Variants in MARCHF1 observed in about 807,000 individuals in gnomAD.
MARCHF1 encodes the protein membrane associated ring-CH-type finger 1, also known as E3 ubiquitin-protein ligase MARCHF1.
MARCHF1 carries 40 observed loss-of-function variants against 54.2 expected under a neutral mutation model. That is an observed-to-expected ratio of 0.74 (90% CI 0.57 to 0.96). MARCHF1 has a LOEUF of 0.96. Ranked by LOEUF, MARCHF1 falls within the 40% of genes least tolerant of loss-of-function variation. The pLI, the probability that MARCHF1 is intolerant of heterozygous loss-of-function variation, is 0.00. For missense variants in MARCHF1, 586 were observed against 656.5 expected (o/e 0.89, Z 1.17); for synonymous variants, 236 against 236.3 (o/e 1.00, Z 0.01).
intron 3 of MARCHF1, among the ~76,000 whole-genome samples, chr4:163,907,749 C>G (rs1021037772): frequency 2.0e-5 from 3 of 152,072 alleles, no homozygotes; most frequent in Non-Finnish European, 2.9e-5. Context: ...CCTATCTAGA[C>G]ACTAAATCAA....
At chr4:164,363,426 T>C (rs774486820) in intron 1 of MARCHF1, among the ~76,000 whole-genome samples, 1 of 152,146 alleles carries the variant, frequency 6.6e-6, no homozygotes, top group African/African-American at 2.4e-5. Flanking sequence ...CTTCTTATCT[T>C]TGTGAGAGAA....
chr4:163,558,075 T>C (rs1322896771), intron 8 of MARCHF1, among the ~76,000 whole-genome samples: 2 of 152,056 alleles, frequency 1.3e-5, no homozygotes, highest in African/African-American at 4.8e-5. Flanking sequence ...TGGAGTTGCA[T>C]GGAATAGAGA....
chr4:163,732,903 G>A (rs1006505912), intron 4 of MARCHF1, among the ~76,000 whole-genome samples: 1 of 151,878 alleles, frequency 6.6e-6, no homozygotes, highest in African/African-American at 2.4e-5. Context: ...TGTAATCCCA[G>A]CAATTTGGGA....
At position 163,664,314 on chromosome 4, in the gene MARCHF1, A is replaced by ATCTTTTCAT. The variant is rs545985361; in HGVS notation, c.162+36498_162+36499insATGAAAAGA. 2.0e-4 allele frequency among the ~76,000 whole-genome samples: 31 copies of ATCTTTTCAT among 152,256 alleles called. 2 individuals carry two copies. The South Asian group carries it at 6.2e-3, about 31-fold the overall frequency. On this transcript the variant is annotated intron_variant, in intron 5 of 9. Transcript: ENST00000514618. ...TACAGAAGATCAAGTTAATGAAAAG[A>ATCTTTTCAT]TACTTTGAAATACAGTAACTGGATA...
chr4:164,106,892 T>G (rs1755716975), intron 2 of MARCHF1, among the ~76,000 whole-genome samples: 1 of 152,054 alleles, frequency 6.6e-6, no homozygotes, highest in Non-Finnish European at 1.5e-5. Flanking sequence ...GTTCCTGGAG[T>G]AATTGCATTT....
At chr4:163,695,873 C>T (rs550005764) in intron 5 of MARCHF1, among the ~76,000 whole-genome samples, 30 of 152,164 alleles carry the variant, frequency 2.0e-4, no homozygotes, top group African/African-American at 6.7e-4. Flanking sequence ...CTTGAGGAAC[C>T]TATTTGTGAG....
intron 4 of MARCHF1, among the ~76,000 whole-genome samples, chr4:163,767,758 A>C (rs1398377718): frequency 6.6e-6 from 1 of 152,176 alleles, no homozygotes; most frequent in East Asian, 1.9e-4. Flanking sequence ...TAACTTTATA[A>C]AATTTGCTTT....
chr4:164,091,410 T>TTTATA (rs145149996), intron 2 of MARCHF1, among the ~76,000 whole-genome samples: 33 of 136,926 alleles, frequency 2.4e-4, no homozygotes, highest in African/African-American at 8.4e-4. Flanking sequence ...TCACCAAGTT[T>TTTATA]TATATATATA....
chr4:163,873,173 T>C (rs553279065), intron 3 of MARCHF1, among the ~76,000 whole-genome samples: 16 of 152,322 alleles, frequency 1.1e-4, no homozygotes, highest in African/African-American at 3.8e-4. Flanking sequence ...ATGAACAATC[T>C]CTCTCTTTCC....
intron 9 of MARCHF1, among the ~76,000 whole-genome samples, chr4:163,533,680 A>AATATATATATATAT (rs35349951): frequency 6.7e-4 from 96 of 144,128 alleles, no homozygotes; most frequent in African/African-American, 2.3e-3. Context: ...TTTTATATAT[A>AATATATATATATAT]ATATATATAT....
intron 3 of MARCHF1, among the ~76,000 whole-genome samples, chr4:163,937,957 C>T (rs1751836291): frequency 6.6e-6 from 1 of 152,110 alleles, no homozygotes; most frequent in Admixed American, 6.6e-5. Context: ...GGCTCTAGGG[C>T]ACATAACAGA....
At chr4:164,373,753 G>C (rs528649710) in intron 1 of MARCHF1, among the ~76,000 whole-genome samples, 4 of 151,998 alleles carry the variant, frequency 2.6e-5, no homozygotes, top group Non-Finnish European at 5.9e-5. Flanking sequence ...GCCTCTAAAG[G>C]CATACATCTC....
At chr4:163,849,599 A>T (rs2111158498) in intron 4 of MARCHF1, among the ~76,000 whole-genome samples, 1 of 152,304 alleles carries the variant, frequency 6.6e-6, no homozygotes, top group South Asian at 2.1e-4. Context: ...CAGATCCATT[A>T]GTCTATGTCA....
At chr4:163,863,477 G>C (rs1249575101) in intron 3 of MARCHF1, among the ~76,000 whole-genome samples, 1 of 152,048 alleles carries the variant, frequency 6.6e-6, no homozygotes, top group Non-Finnish European at 1.5e-5. Context: ...TTAATTGTTG[G>C]AGTGCGAGGT....
At chr4:164,259,565 A>AAG (rs1733401293) in intron 1 of MARCHF1, among the ~76,000 whole-genome samples, 1 of 118,792 alleles carries the variant, frequency 8.4e-6, no homozygotes, top group Non-Finnish European at 1.7e-5. Context: ...AAAAAAAAAA[A>AAG]GAAAAAAGAA....
intron 1 of MARCHF1, among the ~76,000 whole-genome samples, chr4:164,192,165 T>C (rs1731141124): frequency 6.6e-6 from 1 of 152,196 alleles, no homozygotes; most frequent in South Asian, 2.1e-4. Context: ...ATAAAGATTA[T>C]CTTAATTTGT....
chr4:164,006,667 A>G (rs1332282591), intron 2 of MARCHF1, among the ~76,000 whole-genome samples: 2 of 152,096 alleles, frequency 1.3e-5, no homozygotes, highest in African/African-American at 4.8e-5. Context: ...AGACTACCCC[A>G]AGGTATATAA....
intron 4 of MARCHF1, among the ~76,000 whole-genome samples, chr4:163,833,714 T>A (rs1749097652): frequency 6.6e-6 from 1 of 152,126 alleles, no homozygotes; most frequent in Non-Finnish European, 1.5e-5. Flanking sequence ...TGCTTTTGTG[T>A]GAAAAAATGA....
At chr4:164,100,781 G>C (rs1334396151) in intron 2 of MARCHF1, among the ~76,000 whole-genome samples, 1 of 152,222 alleles carries the variant, frequency 6.6e-6, no homozygotes, top group East Asian at 1.9e-4. Context: ...AATAGGAACA[G>C]CTCCGGTCTA....
Sources: allele counts gnomAD v4.1 joint callset (sites outside exome capture counted in the v4.1 genomes callset), GRCh38; gene constraint gnomAD v4.1.1; transcripts MANE v1.5; gene names NCBI Gene and HGNC (gene_info 2026-07-23, HGNC 2026-07-21).